GRID2: variants seen among roughly 807,000 people sequenced by gnomAD.
GRID2 encodes glutamate receptor ionotropic, delta-2.
GRID2 carries 33 observed loss-of-function variants against 114.8 expected under a neutral mutation model. The ratio of observed to expected loss-of-function variants is 0.29; its 90% CI spans 0.22 to 0.38. GRID2 has a LOEUF of 0.38. Ranked by LOEUF, GRID2 falls within the 10% of genes least tolerant of loss-of-function variation. The probability of loss-of-function intolerance (pLI) is 1.00; values close to 1 mark genes in which losing one functional copy is unlikely to be tolerated. For missense variants in GRID2, 1,184 were observed against 1,257.7 expected, an observed-to-expected ratio of 0.94 and a Z score of 0.89; for synonymous variants, 505 against 449.9, an observed-to-expected ratio of 1.12 and a Z score of -1.55.
downstream of GRID2, among the ~76,000 whole-genome samples, chr4:93,777,686 T>C (rs1450889391): frequency 6.6e-6 from 1 of 152,204 alleles, no homozygotes; most frequent in African/African-American, 2.4e-5. Flanking sequence ...TTAATTCTCA[T>C]TAATTAAAAA....
chr4:92,905,892 T>G (rs940204698), intron 2 of GRID2, among the ~76,000 whole-genome samples: 2 of 152,196 alleles, frequency 1.3e-5, no homozygotes, highest in African/African-American at 4.8e-5. Flanking sequence ...CTAATTAATT[T>G]ATTAATTTCA....
intron 13 of GRID2, among the ~76,000 whole-genome samples, chr4:93,531,641 A>T (rs946567404): frequency 7.2e-5 from 11 of 152,156 alleles, no homozygotes; most frequent in African/African-American, 2.4e-4. Context: ...TTGATAATAG[A>T]TAAACAAAAA....
chr4:93,030,605 G>A (rs771639275), intron 2 of GRID2, among the ~76,000 whole-genome samples: 4 of 151,684 alleles, frequency 2.6e-5, no homozygotes, highest in African/African-American at 7.3e-5. Flanking sequence ...GGCTGGTCTC[G>A]AACTCCTGAC....
intron 1 of GRID2, among the ~76,000 whole-genome samples, chr4:92,381,282 A>C (rs1443654208): frequency 2.6e-5 from 4 of 152,060 alleles, no homozygotes; most frequent in Admixed American, 6.6e-5. Flanking sequence ...GTCTGGCCCC[A>C]AAATCAACAT....
intron 2 of GRID2, among the ~76,000 whole-genome samples, chr4:93,080,283 T>C (rs1729743106): frequency 6.6e-6 from 1 of 152,088 alleles, no homozygotes; most frequent in African/African-American, 2.4e-5. Flanking sequence ...AAAAAGTAAT[T>C]AGATTATATT....
rs568080837 is a variant in GRID2 at position 93,146,109 on chromosome 4, A to G, written c.735+35156A>G. On this transcript the variant is annotated intron_variant, in intron 4 of 15. Transcript: ENST00000282020. ...TAATTCACTCAGCTCCAGGAATAGT[A>G]TGAATTATGTAGAAGGCCTAAGACT... is the stretch of plus-strand genomic sequence containing the variant. Among the ~76,000 whole-genome samples, 15 of 152,254 alleles carry G rather than the reference A, an allele frequency of 9.9e-5. No homozygotes were observed. In the South Asian group the frequency reaches 1.2e-3, roughly 13 times the overall value.
chr4:93,018,070 G>A (rs1317488317), intron 2 of GRID2, among the ~76,000 whole-genome samples: 1 of 151,510 alleles, frequency 6.6e-6, no homozygotes, highest in African/African-American at 2.4e-5. Flanking sequence ...GTTTTTCACT[G>A]TTCAGTATAA....
intron 1 of GRID2, among the ~76,000 whole-genome samples, chr4:92,386,637 A>G (rs2110251229): frequency 6.6e-6 from 1 of 151,540 alleles, no homozygotes; most frequent in South Asian, 2.1e-4. Context: ...AATTTTAGAA[A>G]TTAAAACTCT....
At chr4:92,803,911 A>C (rs1740290428) in intron 2 of GRID2, among the ~76,000 whole-genome samples, 1 of 151,976 alleles carries the variant, frequency 6.6e-6, no homozygotes, top group South Asian at 2.1e-4. Flanking sequence ...TGCTCTCTCC[A>C]AAGGCTCTAG....
At chr4:93,380,205 G>T (rs1033482607) in intron 8 of GRID2, among the ~76,000 whole-genome samples, 4 of 151,946 alleles carry the variant, frequency 2.6e-5, no homozygotes, top group African/African-American at 9.7e-5. Context: ...AAAGACATAC[G>T]GGGATTTAAA....
At chr4:93,123,589 C>G (rs545287052) in intron 4 of GRID2, among the ~76,000 whole-genome samples, 6 of 152,066 alleles carry the variant, frequency 3.9e-5, no homozygotes, top group Non-Finnish European at 2.9e-5. Flanking sequence ...GCTGTAAACA[C>G]GAAGTGTGCA....
intron 1 of GRID2, among the ~76,000 whole-genome samples, chr4:92,463,784 A>G (rs1421466614): frequency 2.0e-5 from 3 of 152,010 alleles, no homozygotes; most frequent in Non-Finnish European, 4.4e-5. Flanking sequence ...TTTAATAGGT[A>G]TTTAACTCCC....
At chr4:93,351,626 A>G in intron 8 of GRID2, among the ~76,000 whole-genome samples, 1 of 152,094 alleles carries the variant, frequency 6.6e-6, no homozygotes, top group East Asian at 1.9e-4. Flanking sequence ...CAGTGATAAT[A>G]GGAAGGGCAA....
At chr4:92,747,192 A>G (rs984812136) in intron 2 of GRID2, among the ~76,000 whole-genome samples, 1 of 152,088 alleles carries the variant, frequency 6.6e-6, no homozygotes, top group East Asian at 1.9e-4. Context: ...TGGCAAAACA[A>G]TAAGACAGGT....
At chr4:92,737,868 C>A (rs1405752165) in intron 2 of GRID2, among the ~76,000 whole-genome samples, 1 of 152,042 alleles carries the variant, frequency 6.6e-6, no homozygotes, top group Non-Finnish European at 1.5e-5. Context: ...CTATTCAGAG[C>A]TGGAATGTAG....
intron 13 of GRID2, among the ~76,000 whole-genome samples, chr4:93,526,958 T>C (rs1477913456): frequency 6.6e-6 from 1 of 152,240 alleles, no homozygotes; most frequent in East Asian, 1.9e-4. Flanking sequence ...CCCTTGTCTT[T>C]TTCAATTCCT....
At chr4:92,597,929 G>T (rs1560480411) in intron 2 of GRID2, among the ~76,000 whole-genome samples, 1 of 152,112 alleles carries the variant, frequency 6.6e-6, no homozygotes, top group African/African-American at 2.4e-5. Flanking sequence ...TTTTCAATCT[G>T]TTATCACTAT....
rs527718983 is a variant in GRID2, at chr4:93,478,869, A to G, written c.1859-11770A>G. Among the ~76,000 whole-genome samples, 4 of 152,216 alleles carry G rather than the reference A, an allele frequency of 2.6e-5. No homozygotes were observed. In the South Asian group the frequency reaches 6.2e-4, roughly 24 times the overall value. On this transcript the variant is annotated intron_variant, in intron 11 of 15. Transcript: ENST00000282020. ...TACAGGAAATTTTCATTTCAATTAC[A>G]TGATCTAATGTCTTGTAGCCTTCTT... is the stretch of plus-strand genomic sequence containing the variant.
At chr4:92,861,937 A>C (rs17562666) in intron 2 of GRID2, among the ~76,000 whole-genome samples, 26,177 of 151,820 alleles carry the variant, frequency 0.17, 2,496 homozygotes, top group Middle Eastern at 0.29. Flanking sequence ...TGCTTATGTG[A>C]GTACTTCCTT....
Sources: allele counts gnomAD v4.1 joint callset (sites outside exome capture counted in the v4.1 genomes callset), GRCh38; gene constraint gnomAD v4.1.1; transcripts MANE v1.5; gene names NCBI Gene and HGNC (gene_info 2026-07-23, HGNC 2026-07-21).